The following CFAP20DC variants were observed in gnomAD, a reference collection of about 807,000 sequenced individuals.
CFAP20DC encodes CFAP20 domain containing.
Under a neutral mutation model 101.7 loss-of-function variants are expected in CFAP20DC, and 84 were observed. The ratio of observed to expected loss-of-function variants is 0.83; its 90% CI spans 0.69 to 0.99. The LOEUF (loss-of-function observed/expected upper bound fraction) is 0.99. Ranked by LOEUF, CFAP20DC falls within the 50% of genes least tolerant of loss-of-function variation. The probability of loss-of-function intolerance (pLI) is 0.00; values close to 1 mark genes in which losing one functional copy is unlikely to be tolerated. For synonymous variants in CFAP20DC, 359 were observed against 351.2 expected (o/e 1.02, Z -0.25); for missense variants, 1,007 against 970.3 (o/e 1.04, Z -0.50).
intron 4 of CFAP20DC, among the ~76,000 whole-genome samples, chr3:59,036,362 T>C (rs534772930): frequency 2.6e-5 from 4 of 152,302 alleles, no homozygotes; most frequent in African/African-American, 9.6e-5. Flanking sequence ...AAATTGTCCC[T>C]CTTTGCAGAT....
chr3:58,978,402 T>C (rs1334084266), intron 4 of CFAP20DC, among the ~76,000 whole-genome samples: 1 of 151,920 alleles, frequency 6.6e-6, no homozygotes, highest in Non-Finnish European at 1.5e-5. Flanking sequence ...AAACTATGAG[T>C]GTTACTCAAG....
At chr3:58,761,161 G>T (rs927084569) in intron 15 of CFAP20DC, among the ~76,000 whole-genome samples, 1 of 152,182 alleles carries the variant, frequency 6.6e-6, no homozygotes, top group Non-Finnish European at 1.5e-5. Context: ...AATCCATCTG[G>T]TTCTGGACTT....
At chr3:58,787,974 C>T (rs2072514359) in intron 15 of CFAP20DC, among the ~76,000 whole-genome samples, 1 of 149,806 alleles carries the variant, frequency 6.7e-6, no homozygotes, top group African/African-American at 2.5e-5. Flanking sequence ...ACATCACACA[C>T]TGGGGCCTGT....
At chr3:58,766,511 G>T (rs2070327233) in intron 15 of CFAP20DC, among the ~76,000 whole-genome samples, 1 of 152,012 alleles carries the variant, frequency 6.6e-6, no homozygotes, top group South Asian at 2.1e-4. Context: ...ACTCATCCTG[G>T]CTTCATTTCT....
At chr3:58,757,628 C>A (rs189410065) in intron 15 of CFAP20DC, among the ~76,000 whole-genome samples, 42 of 152,176 alleles carry the variant, frequency 2.8e-4, no homozygotes, top group Admixed American at 1.9e-3. Flanking sequence ...TGGAAATGCA[C>A]CCATGTTTTC....
At chr3:58,760,039 A>C (rs1575570775) in intron 15 of CFAP20DC, among the ~76,000 whole-genome samples, 1 of 152,284 alleles carries the variant, frequency 6.6e-6, no homozygotes, top group East Asian at 1.9e-4. Context: ...GTTTCATATG[A>C]ACTTTAAAGT....
chr3:59,048,694 T>C (rs1419286873), intron 1 of CFAP20DC, among the ~76,000 whole-genome samples: 1 of 151,078 alleles, frequency 6.6e-6, no homozygotes, highest in Non-Finnish European at 1.5e-5. Context: ...ATGAGGCAAG[T>C]AGTGTTAGGT....
At chr3:58,995,975 A>AATCT (rs10688272) in intron 4 of CFAP20DC, among the ~76,000 whole-genome samples, 57,000 of 144,940 alleles carry the variant, frequency 0.39, 11,076 homozygotes, top group Non-Finnish European at 0.4. Context: ...CTGTATAATA[A>AATCT]ATCTATCTAT....
At chr3:58,718,071 A>G (rs1215007611) in intron 3 of CFAP20DC, among the ~76,000 whole-genome samples, 1 of 152,192 alleles carries the variant, frequency 6.6e-6, no homozygotes, top group Non-Finnish European at 1.5e-5. Context: ...TTGGAGGCCA[A>G]TTTTGTGCCT....
In CFAP20DC at chr3:58,849,184, G is replaced by C. The variant is rs1178758197; in HGVS notation, c.1819C>G (p.Pro607Ala). The C allele has an allele frequency of 6.5e-7, 1 of 1,536,104 alleles. No individual in the cohort carries two copies. Among genetic ancestry groups the C allele is most frequent in the Non-Finnish European group, 8.7e-7 (1 of 1,146,900 alleles). The change falls in exon 13 of 17, where the codon CCA becomes GCA. Residue 607 changes from proline to alanine, a missense_variant. Physicochemically the swap from Pro to Ala is conservative, Grantham distance 27. Coordinates refer to ENST00000482387, the MANE Select transcript of CFAP20DC (RefSeq NM_001394063.1). ...MSLLPTTCLS[P>A]TGRRCGSCQK... is the part of the protein sequence containing the mutation. Reference sequence around the variant, plus strand: ...CAGGACCCACACCTTCTTCCAGTTGGAGAAAGGCATGTTGTAGGCAACAAA... The same window carrying C: ...CAGGACCCACACCTTCTTCCAGTTGCAGAAAGGCATGTTGTAGGCAACAAA...
rs773258491 is a variant in CFAP20DC, at chr3:58,816,349, C to T, written c.2176-9893G>A. ...CTCCCAGAGTGAGCGACGCAGAAGA[C>T]GGGTGACTTCTGCATTTCCATCTGA... On this transcript the variant is annotated intron_variant, in intron 14 of 16. Transcript: ENST00000482387. Among the ~76,000 whole-genome samples, 37 of 152,274 alleles carry T rather than the reference C, an allele frequency of 2.4e-4. No homozygotes were observed. In the Middle Eastern group the frequency reaches 0.014, roughly 56 times the overall value.
chr3:58,943,223 T>C (rs765334116), intron 4 of CFAP20DC, among the ~76,000 whole-genome samples: 12 of 152,200 alleles, frequency 7.9e-5, no homozygotes, highest in Non-Finnish European at 1.5e-4. Context: ...GCTCGAGCTC[T>C]GCTAAGGGAC....
intron 5 of CFAP20DC, among the ~76,000 whole-genome samples, chr3:58,932,267 A>T: frequency 6.6e-6 from 1 of 152,234 alleles, no homozygotes; most frequent in East Asian, 1.9e-4. Flanking sequence ...GAAATATGGG[A>T]CTATGTGAAA....
At position 58,947,062 on chromosome 3, in the gene CFAP20DC, G is replaced by T. The variant is rs142653138; in HGVS notation, c.279-9300C>A. Among the ~76,000 whole-genome samples the T allele has an allele frequency of 5.8e-4, 88 of 152,314 alleles. 2 individuals carry two copies. The East Asian group carries it at 0.017, about 29-fold the overall frequency. ...CAGGAGACCTACTAAAGCCTAAAAT[G>T]ATGAGGCAAGAGCAATAATGGTAAA... On this transcript the variant is annotated intron_variant, in intron 4 of 16. Coordinates refer to ENST00000482387, the MANE Select transcript of CFAP20DC (RefSeq NM_001394063.1).
intron 5 of CFAP20DC, among the ~76,000 whole-genome samples, chr3:58,937,033 G>C (rs1019375414): frequency 2.6e-5 from 4 of 151,900 alleles, no homozygotes; most frequent in Non-Finnish European, 5.9e-5. Flanking sequence ...ACACAAACAG[G>C]GTACTGAGAG....
At position 58,967,188 on chromosome 3, in the gene CFAP20DC, TAGAAATAAAACTACATTC is replaced by T. The variant is rs1175770164; in HGVS notation, c.279-29444_279-29427del. Among the ~76,000 whole-genome samples, 10 of 152,172 alleles carry T rather than the reference TAGAAATAAAACTACATTC, an allele frequency of 6.6e-5. No homozygotes were observed. The East Asian group carries it at 1.9e-3, about 29-fold the overall frequency. On this transcript the variant is annotated intron_variant, in intron 4 of 16. Coordinates refer to ENST00000482387, the MANE Select transcript of CFAP20DC (RefSeq NM_001394063.1). ...AATCAGTGGAAAAAAATTGAAAGTT[TAGAAATAAAACTACATTC>T]AGAAATAAAACTACAGATAATTGAG...
At chr3:58,936,561 T>C (rs2087661282) in intron 5 of CFAP20DC, among the ~76,000 whole-genome samples, 1 of 152,172 alleles carries the variant, frequency 6.6e-6, no homozygotes, top group African/African-American at 2.4e-5. Flanking sequence ...TAAAAAAATG[T>C]GGCACATATA....
At chr3:58,790,904 G>A (rs2072791615) in intron 15 of CFAP20DC, among the ~76,000 whole-genome samples, 1 of 152,148 alleles carries the variant, frequency 6.6e-6, no homozygotes, top group Admixed American at 6.6e-5. Flanking sequence ...GAGCAACCCA[G>A]AAGTGATATT....
intron 4 of CFAP20DC, among the ~76,000 whole-genome samples, chr3:59,035,746 C>T (rs1274021075): frequency 1.3e-5 from 2 of 152,140 alleles, no homozygotes; most frequent in East Asian, 1.9e-4. Flanking sequence ...GACAGATTCA[C>T]AGCCAAATTC....
Sources: allele counts gnomAD v4.1 joint callset (sites outside exome capture counted in the v4.1 genomes callset), GRCh38; gene constraint gnomAD v4.1.1; transcripts MANE v1.5; gene names NCBI Gene and HGNC (gene_info 2026-07-23, HGNC 2026-07-21).